Variants in CSMD3 observed in about 807,000 individuals in gnomAD.
CSMD3 encodes CUB and Sushi multiple domains 3, also known as CUB and sushi domain-containing protein 3.
In CSMD3, 177 loss-of-function variants were observed where a neutral mutation model predicts 435.2. That is an observed-to-expected ratio of 0.41 (90% CI 0.36 to 0.46). The LOEUF is 0.46. Among genes scored for constraint, CSMD3 ranks in the 20% least tolerant of loss-of-function variants. The pLI, the probability that CSMD3 is intolerant of heterozygous loss-of-function variation, is 0.34. For synonymous variants in CSMD3, 1,656 were observed against 1,520.5 expected, an observed-to-expected ratio of 1.09 and a Z score of -2.07; for missense variants, 4,265 against 4,504.6, an observed-to-expected ratio of 0.95 and a Z score of 1.52.
intron 1 of CSMD3, among the ~76,000 whole-genome samples, chr8:113,368,249 C>T (rs181675748): frequency 1.7e-3 from 252 of 152,198 alleles, no homozygotes; most frequent in Non-Finnish European, 2.4e-3. Flanking sequence ...AGAACCTTTT[C>T]ATTTGGTTGA....
In CSMD3 at chr8:112,946,854, T is replaced by C. The variant is rs73702264; in HGVS notation, c.1508+936A>G. On this transcript the variant is annotated intron_variant, in intron 9 of 70. Transcript: ENST00000297405. Reference sequence around the variant, plus strand: ...GTATTATTGTTTTTCACTCCAAGTATAGCAAAATGTAACTTTAAGTCATTC... The same window carrying C: ...GTATTATTGTTTTTCACTCCAAGTACAGCAAAATGTAACTTTAAGTCATTC... Among the ~76,000 whole-genome samples, 1,355 of 151,820 alleles carry C rather than the reference T, an allele frequency of 8.9e-3. 25 individuals carry two copies. Among genetic ancestry groups the C allele is most frequent in the African/African-American group, 0.031 (1,292 of 41,510 alleles).
intron 5 of CSMD3, among the ~76,000 whole-genome samples, chr8:113,082,201 C>G (rs2131458874): frequency 6.6e-6 from 1 of 152,138 alleles, no homozygotes; most frequent in African/African-American, 2.4e-5. Flanking sequence ...GGCAGCTGTG[C>G]CTTTGCCTGC....
chr8:113,305,821 G>T (rs917744219), intron 2 of CSMD3, among the ~76,000 whole-genome samples: 1 of 152,180 alleles, frequency 6.6e-6, no homozygotes, highest in African/African-American at 2.4e-5. Flanking sequence ...TGCCTAAGAT[G>T]CATCAAAATT....
At chr8:112,507,595 A>T (rs1455746775) in intron 28 of CSMD3, among the ~76,000 whole-genome samples, 1 of 152,188 alleles carries the variant, frequency 6.6e-6, no homozygotes, top group Non-Finnish European at 1.5e-5. Context: ...GTACATCGGC[A>T]TTCTTCTCTC....
intron 32 of CSMD3, among the ~76,000 whole-genome samples, chr8:112,444,203 A>C (rs1313546584): frequency 6.6e-6 from 1 of 152,238 alleles, no homozygotes; most frequent in Non-Finnish European, 1.5e-5. Flanking sequence ...TGAAATTAAA[A>C]AGACTGATAA....
At chr8:112,433,682 A>G (rs1214882772) in intron 32 of CSMD3, among the ~76,000 whole-genome samples, 2 of 151,148 alleles carry the variant, frequency 1.3e-5, no homozygotes, top group African/African-American at 2.4e-5. Context: ...AGAAAGAAAG[A>G]AAGAAAAAAG....
intron 41 of CSMD3, among the ~76,000 whole-genome samples, chr8:112,343,303 TG>T (rs942786000): frequency 1.3e-5 from 2 of 152,086 alleles, no homozygotes; most frequent in African/African-American, 2.4e-5. Flanking sequence ...GTGAAAGACG[TG>T]GAAGAGCCAT....
chr8:113,436,535 G>T (rs978355145), intron 1 of CSMD3, 142 bp downstream of exon 1: 1 of 834,308 alleles, frequency 1.2e-6, no homozygotes, highest in Non-Finnish European at 2.1e-6. Context: ...CTGAGGGGGG[G>T]AGAACGAGCT....
At chr8:112,814,917 G>C (rs2079330705) in intron 12 of CSMD3, among the ~76,000 whole-genome samples, 1 of 151,950 alleles carries the variant, frequency 6.6e-6, no homozygotes, top group African/African-American at 2.4e-5. Flanking sequence ...TTAGACATGA[G>C]AATTGTAGTC....
At chr8:113,331,230 C>A (rs1030670507) in intron 1 of CSMD3, among the ~76,000 whole-genome samples, 5 of 151,052 alleles carry the variant, frequency 3.3e-5, no homozygotes, top group Admixed American at 6.6e-5. Flanking sequence ...ATGACCCAAA[C>A]CATAAACTGA....
intron 38 of CSMD3, among the ~76,000 whole-genome samples, chr8:112,355,991 C>G (rs1241197230): frequency 6.6e-6 from 1 of 151,928 alleles, no homozygotes; most frequent in African/African-American, 2.4e-5. Context: ...AGATACCGTC[C>G]CACACTAGTC....
chr8:113,103,782 G>A (rs1476040719), intron 4 of CSMD3, among the ~76,000 whole-genome samples: 2 of 151,960 alleles, frequency 1.3e-5, no homozygotes, highest in Non-Finnish European at 2.9e-5. Flanking sequence ...TACCTATAGA[G>A]CAGGGAGAAA....
intron 3 of CSMD3, among the ~76,000 whole-genome samples, chr8:113,264,957 G>A (rs528450480): frequency 1.0e-3 from 159 of 151,574 alleles, no homozygotes; most frequent in Admixed American, 2.2e-3. Context: ...TAAGTGCTTG[G>A]AACATGTGAG....
chr8:113,153,332 A>C (rs945506348), intron 4 of CSMD3, among the ~76,000 whole-genome samples: 7 of 151,906 alleles, frequency 4.6e-5, no homozygotes, highest in African/African-American at 1.7e-4. Context: ...TTTGGTTGGA[A>C]TCTCATCTAT....
intron 6 of CSMD3, among the ~76,000 whole-genome samples, chr8:113,004,045 G>T (rs2085965015): frequency 6.6e-6 from 1 of 151,964 alleles, no homozygotes; most frequent in African/African-American, 2.4e-5. Flanking sequence ...GCTACTTTTT[G>T]GGGAGGCTTT....
chr8:113,365,287 A>G (rs970730166), intron 1 of CSMD3, among the ~76,000 whole-genome samples: 2 of 152,126 alleles, frequency 1.3e-5, no homozygotes, highest in Non-Finnish European at 2.9e-5. Flanking sequence ...TGAATAGATC[A>G]ACAGCTTTTG....
At chr8:112,354,187 T>G (rs4577984) in intron 38 of CSMD3, among the ~76,000 whole-genome samples, 65,251 of 151,882 alleles carry the variant, frequency 0.43, 14,660 homozygotes, top group Middle Eastern at 0.53. Context: ...TGCATTAAAG[T>G]AACACATTTC....
chr8:112,433,410 C>T (rs1370763982), intron 32 of CSMD3, among the ~76,000 whole-genome samples: 1 of 150,000 alleles, frequency 6.7e-6, no homozygotes, highest in East Asian at 2.0e-4. Flanking sequence ...AATCCCAGTA[C>T]TTTGTGAGAC....
intron 5 of CSMD3, among the ~76,000 whole-genome samples, chr8:113,056,969 T>A (rs986619642): frequency 2.6e-5 from 4 of 152,230 alleles, no homozygotes; most frequent in African/African-American, 9.6e-5. Context: ...ACTACTTTTC[T>A]AGTCACACTG....
Sources: allele counts gnomAD v4.1 joint callset (sites outside exome capture counted in the v4.1 genomes callset), GRCh38; gene constraint gnomAD v4.1.1; transcripts MANE v1.5; gene names NCBI Gene and HGNC (gene_info 2026-07-23, HGNC 2026-07-21).